ENOX1: variants seen among roughly 807,000 people sequenced by gnomAD.
ENOX1 encodes the protein ecto-NOX disulfide-thiol exchanger 1.
ENOX1 carries 42 observed loss-of-function variants against 82.5 expected under a neutral mutation model. That is an observed-to-expected ratio of 0.51 (90% CI 0.40 to 0.66). The LOEUF is 0.66. ENOX1 is among the 30% of genes least tolerant of loss of function. The pLI is 0.00. For missense variants in ENOX1, 608 were observed against 811.6 expected, an observed-to-expected ratio of 0.75 and a Z score of 3.05; for synonymous variants, 271 against 282.2, an observed-to-expected ratio of 0.96 and a Z score of 0.40.
chr13:43,353,364 G>C (rs1318318443), intron 8 of ENOX1, among the ~76,000 whole-genome samples: 6 of 152,148 alleles, frequency 3.9e-5, no homozygotes, highest in Non-Finnish European at 8.8e-5. Flanking sequence ...GAATAAACAA[G>C]TATGATATAA....
intron 1 of ENOX1, among the ~76,000 whole-genome samples, chr13:43,757,018 G>C (rs1487214976): frequency 7.1e-6 from 1 of 140,034 alleles, no homozygotes; most frequent in African/African-American, 2.6e-5. Context: ...AGGGTTGTAA[G>C]CATCGTTAAT....
intron 9 of ENOX1, among the ~76,000 whole-genome samples, chr13:43,334,600 T>C (rs2048593741): frequency 6.6e-6 from 1 of 152,032 alleles, no homozygotes; most frequent in South Asian, 2.1e-4. Flanking sequence ...TGCAGCTAAG[T>C]TGAATTTTCA....
chr13:43,292,727 T>TCAC (rs2046068860), intron 12 of ENOX1, among the ~76,000 whole-genome samples: 1 of 152,054 alleles, frequency 6.6e-6, no homozygotes. Flanking sequence ...ACAGCCTCCT[T>TCAC]CACCACCATA....
chr13:43,665,275 G>GCA (rs1392976365), intron 2 of ENOX1, among the ~76,000 whole-genome samples: 1 of 152,168 alleles, frequency 6.6e-6, no homozygotes, highest in Admixed American at 6.6e-5. Flanking sequence ...TGGCTAGAAA[G>GCA]CACTACCCCA....
intron 2 of ENOX1, among the ~76,000 whole-genome samples, chr13:43,608,523 C>T (rs2082065083): frequency 6.6e-6 from 1 of 152,104 alleles, no homozygotes; most frequent in Non-Finnish European, 1.5e-5. Context: ...GACATCATTC[C>T]AAGCCAGCTG....
intron 1 of ENOX1, among the ~76,000 whole-genome samples, chr13:43,689,395 T>C (rs899634026): frequency 6.6e-6 from 1 of 152,052 alleles, no homozygotes; most frequent in Non-Finnish European, 1.5e-5. Context: ...AAAACAAAAA[T>C]AAAACGAGAC....
intron 1 of ENOX1, among the ~76,000 whole-genome samples, chr13:43,775,716 C>T (rs189688442): frequency 5.3e-5 from 8 of 152,108 alleles, no homozygotes; most frequent in Non-Finnish European, 1.2e-4. Flanking sequence ...TTGGGGCCCC[C>T]GGAGAAAGAA....
At chr13:43,323,434 C>T (rs766423554) in intron 10 of ENOX1, among the ~76,000 whole-genome samples, 14 of 152,162 alleles carry the variant, frequency 9.2e-5, no homozygotes, top group Non-Finnish European at 1.9e-4. Context: ...AGGCTGTTTA[C>T]ATGTAGTAGC....
intron 1 of ENOX1, among the ~76,000 whole-genome samples, chr13:43,702,211 C>G (rs2086945233): frequency 6.6e-6 from 1 of 152,174 alleles, no homozygotes; most frequent in South Asian, 2.1e-4. Flanking sequence ...AAATATTACT[C>G]TCATTTTGAT....
At chr13:43,713,661 A>C (rs548376786) in intron 1 of ENOX1, among the ~76,000 whole-genome samples, 1 of 152,304 alleles carries the variant, frequency 6.6e-6, no homozygotes, top group African/African-American at 2.4e-5. Flanking sequence ...TTTGTCGAGT[A>C]ATTTATCCAT....
At chr13:43,321,522 T>C (rs138349397) in intron 11 of ENOX1, among the ~76,000 whole-genome samples, 308 of 152,354 alleles carry the variant, frequency 2.0e-3, no homozygotes, top group African/African-American at 6.5e-3. Context: ...TGATTTTGGT[T>C]TCTTAATAAA....
intron 2 of ENOX1, among the ~76,000 whole-genome samples, chr13:43,499,268 T>C (rs1031015154): frequency 6.6e-6 from 1 of 151,912 alleles, no homozygotes; most frequent in Non-Finnish European, 1.5e-5. Flanking sequence ...AGGGACACAG[T>C]TGAAAAACTA....
intron 12 of ENOX1, among the ~76,000 whole-genome samples, chr13:43,289,839 C>G (rs2045901348): frequency 6.6e-6 from 1 of 151,990 alleles, no homozygotes; most frequent in African/African-American, 2.4e-5. Flanking sequence ...CTGACAAAGG[C>G]CTAATACCCA....
intron 5 of ENOX1, among the ~76,000 whole-genome samples, chr13:43,361,978 A>G (rs1264300878): frequency 3.4e-5 from 1 of 29,642 alleles, no homozygotes; most frequent in Non-Finnish European, 8.3e-5. Flanking sequence ...CCCCTGGAAT[A>G]AAAAAAAAAA....
chr13:43,745,841 C>G (rs1391796757), intron 1 of ENOX1, among the ~76,000 whole-genome samples: 1 of 152,006 alleles, frequency 6.6e-6, no homozygotes, highest in Non-Finnish European at 1.5e-5. Context: ...GGGGCTTTTC[C>G]CCCTTTTGGT....
intron 2 of ENOX1, among the ~76,000 whole-genome samples, chr13:43,589,757 A>ATC (rs2081157918): frequency 6.6e-6 from 1 of 152,102 alleles, no homozygotes; most frequent in Non-Finnish European, 1.5e-5. Flanking sequence ...CAATCATCCC[A>ATC]TCTTGTCCCC....
chr13:43,713,303 G>C (rs932675088), intron 1 of ENOX1, among the ~76,000 whole-genome samples: 1 of 152,194 alleles, frequency 6.6e-6, no homozygotes, highest in Non-Finnish European at 1.5e-5. Flanking sequence ...TGTGCTGCTG[G>C]ATTCAGTTTG....
chr13:43,308,445 G>A (rs1357516124), intron 11 of ENOX1, among the ~76,000 whole-genome samples: 1 of 152,120 alleles, frequency 6.6e-6, no homozygotes, highest in Admixed American at 6.5e-5. Flanking sequence ...TGGGAAAAGA[G>A]GTAACCTTTC....
chr13:43,402,112 A>G (rs1192060563), intron 5 of ENOX1, among the ~76,000 whole-genome samples: 1 of 152,230 alleles, frequency 6.6e-6, no homozygotes, highest in Non-Finnish European at 1.5e-5. Flanking sequence ...GAATCAGTAG[A>G]TAAGCACACT....
Sources: gnomAD v4.1 joint callset for allele counts (sites outside exome capture counted in the v4.1 genomes callset) on GRCh38, gnomAD v4.1.1 for gene constraint, MANE v1.5 for transcripts, NCBI Gene and HGNC (gene_info 2026-07-23, HGNC 2026-07-21) for gene names.